CFAP95: variants seen among roughly 807,000 people sequenced by gnomAD.
The protein encoded by CFAP95 is cilia- and flagella-associated protein 95.
chr9:69,841,313 G>A, the CFAP95 span, among the ~76,000 whole-genome samples: 3 of 151,326 alleles, frequency 2.0e-5, no homozygotes, highest in African/African-American at 7.3e-5. Context: ...TCACTGGTAT[G>A]TTTCCCCTTC....
chr9:69,870,252 G>GA, the CFAP95 span, among the ~76,000 whole-genome samples: 2 of 151,806 alleles, frequency 1.3e-5, no homozygotes, highest in Non-Finnish European at 2.9e-5. Context: ...CGGGAATATA[G>GA]AAAAAAAAGA....
chr9:69,886,407 A>G, the CFAP95 span, among the ~76,000 whole-genome samples: 2 of 152,232 alleles, frequency 1.3e-5, no homozygotes, highest in African/African-American at 4.8e-5. Context: ...GCAATTATAA[A>G]GAAGAAAAGA....
the CFAP95 span, among the ~76,000 whole-genome samples, chr9:69,868,659 C>T: frequency 1.1e-3 from 67 of 60,470 alleles, no homozygotes; most frequent in African/African-American, 2.9e-3. Context: ...GAGACTCTGT[C>T]TCCAAAAAAA....
the CFAP95 span, among the ~76,000 whole-genome samples, chr9:69,896,481 C>T: frequency 6.6e-6 from 1 of 152,156 alleles, no homozygotes; most frequent in Admixed American, 6.5e-5. Context: ...ATTTATATTT[C>T]TATCCACAGC....
the CFAP95 span, among the ~76,000 whole-genome samples, chr9:69,873,775 C>T: frequency 1.3e-4 from 20 of 152,098 alleles, no homozygotes; most frequent in Admixed American, 5.2e-4. Flanking sequence ...CTAGACAAAA[C>T]AGAAAAGAAA....
At chr9:69,882,366 T>C in the CFAP95 span, among the ~76,000 whole-genome samples, 1 of 152,244 alleles carries the variant, frequency 6.6e-6, no homozygotes, top group Non-Finnish European at 1.5e-5. Context: ...TAGGATTTTC[T>C]AAATATAAGA....
the CFAP95 span, chr9:69,821,058 C>T: frequency 5.6e-6 from 9 of 1,605,780 alleles, no homozygotes; most frequent in African/African-American, 1.3e-5. Flanking sequence ...CGCAAGTTCC[C>T]GGGTGCTGCG....
At chr9:69,843,020 C>A in the CFAP95 span, among the ~76,000 whole-genome samples, 1 of 152,098 alleles carries the variant, frequency 6.6e-6, no homozygotes, top group South Asian at 2.1e-4. Context: ...GGATTCGGTG[C>A]CCAACCTAGG....
the CFAP95 span, among the ~76,000 whole-genome samples, chr9:69,843,240 A>T: frequency 5.3e-5 from 8 of 152,140 alleles, no homozygotes; most frequent in South Asian, 1.7e-3. Flanking sequence ...AAATGGCTGG[A>T]TGATTGAATT....
the CFAP95 span, among the ~76,000 whole-genome samples, chr9:69,885,401 G>A: frequency 6.6e-6 from 1 of 152,126 alleles, no homozygotes; most frequent in African/African-American, 2.4e-5. Flanking sequence ...TGGATTGATA[G>A]CTGAGGTTTC....
At chr9:69,828,206 C>T in the CFAP95 span, among the ~76,000 whole-genome samples, 4 of 152,148 alleles carry the variant, frequency 2.6e-5, no homozygotes, top group African/African-American at 9.7e-5. Context: ...CTCCATTTTT[C>T]TTCAGATTTC....
the CFAP95 span, among the ~76,000 whole-genome samples, chr9:69,828,866 T>G: frequency 6.6e-6 from 1 of 152,212 alleles, no homozygotes; most frequent in Non-Finnish European, 1.5e-5. Flanking sequence ...ATTTTCATAA[T>G]AAGAATAAAG....
chr9:69,898,916 T>C, the CFAP95 span, among the ~76,000 whole-genome samples: 2 of 152,104 alleles, frequency 1.3e-5, no homozygotes, highest in South Asian at 2.1e-4. Flanking sequence ...TTCTTTTCAG[T>C]GTTATTATAA....
Sources: allele counts gnomAD v4.1 joint callset (sites outside exome capture counted in the v4.1 genomes callset), GRCh38; gene constraint gnomAD v4.1.1; transcripts MANE v1.5; gene names NCBI Gene and HGNC (gene_info 2026-07-23, HGNC 2026-07-21).